Variants in IRS2 observed in about 807,000 individuals in gnomAD.
IRS2 encodes the protein insulin receptor substrate 2.
IRS2 carries 28 observed loss-of-function variants against 70.9 expected under a neutral mutation model. The ratio of observed to expected loss-of-function variants is 0.39; its 90% CI spans 0.29 to 0.54. The LOEUF (loss-of-function observed/expected upper bound fraction) is 0.54. Among genes scored for constraint, IRS2 ranks in the 20% least tolerant of loss-of-function variants. The pLI is 0.59. For missense variants in IRS2, 2,081 were observed against 2,024.1 expected (o/e 1.03, Z -0.54); for synonymous variants, 1,217 against 981.9 (o/e 1.24, Z -4.48).
chr13:109,785,585 C>A lies in IRS2; in HGVS notation c.469G>T (p.Ala157Ser). The change falls in exon 1 of 2, where the codon GCC becomes TCC. Residue 157 changes from alanine to serine, a missense_variant. Physicochemically the swap from Ala to Ser is moderately conservative, Grantham distance 99 (BLOSUM62 1). Transcript: ENST00000375856. This position sits in a 1 kb window ranked among gnomAD's most constrained non-coding sequence, Gnocchi z 9.3. Reference protein sequence around the residue: ...RAAAGDAPPAAAPAASCSASL... With the variant: ...RAAAGDAPPASAPAASCSASL... ...GCGCTGCAGGACGCGGCGGGCGCGGCGGCGGGGGGCGCGTCTCCGGCGGCC... is the reference window on the plus strand; with the variant it reads ...GCGCTGCAGGACGCGGCGGGCGCGGAGGCGGGGGGCGCGTCTCCGGCGGCC... The A allele has an allele frequency of 7.6e-7, 1 of 1,319,986 alleles. No individual in the cohort carries two copies. 81.8% of individuals were successfully genotyped at this position (1,319,986 alleles called of 1,614,324 possible).
At position 109,755,813 on chromosome 13, in the gene IRS2, C is replaced by G. The variant is rs761328034; in HGVS notation, c.*491G>C. 1 of 225,884 alleles carries G rather than the reference C, an allele frequency of 4.4e-6. No homozygotes were observed. The highest frequency in any genetic ancestry group is 9.0e-6 in the Non-Finnish European group (1 of 111,504). The allele number at this position is 225,884 out of a possible 1,614,324, so 14.0% of individuals were successfully genotyped here. ...CTACTACAGGAGGTCCTGTGGGACC[C>G]CCGCCACGGAAATCCGGCTTTACCT... On this transcript the variant is annotated 3_prime_UTR_variant, in exon 2 of 2. Coordinates refer to ENST00000375856, the MANE Select transcript of IRS2 (RefSeq NM_003749.3).
intron 1 of IRS2, 111 bp downstream of exon 1, chr13:109,781,931 G>T: frequency 8.2e-7 from 1 of 1,226,868 alleles, no homozygotes; most frequent in Non-Finnish European, 1.2e-6. Context: ...GTGCCAGGCT[G>T]TCGGCTTCTG....
At chr13:109,781,974 A>G in intron 1 of IRS2, 68 bp downstream of exon 1, 1 of 1,557,096 alleles carries the variant, frequency 6.4e-7, no homozygotes, top group Non-Finnish European at 8.7e-7. Context: ...GAGCAGTGAA[A>G]CCCAAGAGGC....
chr13:109,764,492 T>TATG (rs1227798527), intron 1 of IRS2, among the ~76,000 whole-genome samples: 1 of 152,248 alleles, frequency 6.6e-6, no homozygotes, highest in Non-Finnish European at 1.5e-5. Context: ...CAAAAATGCG[T>TATG]ATGTTCTTTC....
chr13:109,784,923 G>GGCCGCCGCTCCCGCC lies in IRS2; in HGVS notation c.1116_1130dup (p.Ala376_Ala380dup). The GGCCGCCGCTCCCGCC allele has an allele frequency of 2.8e-6, 3 of 1,052,798 alleles. No homozygotes were observed. The highest frequency in any genetic ancestry group is 3.4e-6 in the Non-Finnish European group (3 of 875,906). The allele number at this position is 1,052,798 out of a possible 1,614,324, so 65.2% of individuals were successfully genotyped here. A position where few individuals can be genotyped will look rare whatever the true frequency, so the allele number is the denominator to read the frequency against. On this transcript the variant is annotated inframe_insertion, in exon 1 of 2. Transcript: ENST00000375856. The surrounding 1 kb of genome is among the most constrained non-coding windows in gnomAD (Gnocchi z 5.2). Reference sequence around the variant, plus strand: ...CCACCGACACCGGCCTGGCGCCCGCGGCCGCCGCTCCCGCCGCCGCGCCGC... The same window carrying GGCCGCCGCTCCCGCC: ...CCACCGACACCGGCCTGGCGCCCGCGGCCGCCGCTCCCGCCGCCGCCGCTCCCGCCGCCGCGCCGC...
Position 109,783,220 on chromosome 13 carries a change from G to A in IRS2, c.2834C>T (p.Ser945Phe), listed in dbSNP as rs780304023. The A allele has an allele frequency of 1.4e-4, 205 of 1,439,136 alleles. 1 individual carries two copies. The South Asian group carries it at 2.0e-3, about 14-fold the overall frequency. 89.1% of individuals were successfully genotyped at this position (1,439,136 alleles called of 1,614,324 possible). ...APPLLASAASSSSLLSASSPA... is the reference protein window; with the variant it reads ...APPLLASAASFSSLLSASSPA... ...GCTGCTGGCGGACAAGAGCGAGGAG[G>A]ACGAGGCCGCCGACGCCAGCAGGGG... The change falls in exon 1 of 2, where the codon TCC becomes TTC. Residue 945 changes from serine (S) to phenylalanine (F), a missense_variant. Transcript: ENST00000375856.
rs78183937 is a variant in IRS2 at position 109,759,831 on chromosome 13, C to G, written c.4013-3523G>C. Among the ~76,000 whole-genome samples the G allele has an allele frequency of 2.0e-5, 3 of 152,040 alleles. No individual in the cohort carries two copies. The South Asian group carries it at 6.2e-4, about 31-fold the overall frequency. On this transcript the variant is annotated intron_variant, in intron 1 of 1. Transcript: ENST00000375856. ...CTGGTGCCCCTGGTTGAAACCACCA[C>G]GGCAACACGATACCTACCACCCACC...
rs1160311404 is a variant in IRS2, at chr13:109,754,684, C to T, written c.*1620G>A. The T allele has an allele frequency of 5.0e-6, 1 of 198,690 alleles. No individual in the cohort carries two copies. The highest frequency in any genetic ancestry group is 1.0e-5 in the Non-Finnish European group (1 of 95,972). The allele number at this position is 198,690 out of a possible 1,614,324, so 12.3% of individuals were successfully genotyped here. A position where few individuals can be genotyped will look rare whatever the true frequency, so the allele number is the denominator to read the frequency against. On this transcript the variant is annotated 3_prime_UTR_variant, in exon 2 of 2. Transcript: ENST00000375856. ...CAACTTTGTCTTGCAATACAATCCT[C>T]TGTTCTAAAGTTCAGCACGGAAGCA...
chr13:109,754,045 A>C lies in IRS2; in HGVS notation c.*2259T>G, dbSNP rs886703413. The C allele has an allele frequency of 4.3e-6, 1 of 231,160 alleles. No individual in the cohort carries two copies. Among genetic ancestry groups the C allele is most frequent in the Non-Finnish European group, 8.6e-6 (1 of 116,598 alleles). The allele number at this position is 231,160 out of a possible 1,614,324, so 14.3% of individuals were successfully genotyped here. ...TTGTCATATCACAATAGCAAGAAAT[A>C]TATTTAACATCTTGATATCCAGAAA... On this transcript the variant is annotated 3_prime_UTR_variant, in exon 2 of 2. Transcript: ENST00000375856.
intron 1 of IRS2, among the ~76,000 whole-genome samples, 160 bp downstream of exon 1, chr13:109,781,882 A>G (rs1027211595): frequency 1.7e-4 from 26 of 152,338 alleles, no homozygotes; most frequent in Admixed American, 4.6e-4. Flanking sequence ...CTGAAGGAAG[A>G]GAACAGGGCA....
Position 109,783,932 on chromosome 13 carries a change from C to A in IRS2, c.2122G>T (p.Ala708Ser). The part of the protein sequence containing the change: ...AAAAVPSAGP[A>S]GPAPTSAAGR... Reference sequence around the variant, plus strand: ...GCCGCAGAGGTGGGTGCTGGCCCCGCAGGCCCCGCAGAAGGCACGGCGGCG... The same window carrying A: ...GCCGCAGAGGTGGGTGCTGGCCCCGAAGGCCCCGCAGAAGGCACGGCGGCG... The change falls in exon 1 of 2, where the codon GCG (alanine) becomes TCG (serine). Residue 708 changes from alanine to serine, a missense_variant. Ala to Ser is a moderately conservative substitution (Grantham distance 99). Transcript: ENST00000375856. 1 of 1,539,484 alleles carries A rather than the reference C, an allele frequency of 6.5e-7. No individual in the cohort carries two copies.
intron 1 of IRS2, among the ~76,000 whole-genome samples, chr13:109,762,267 C>CT (rs1435348922): frequency 6.6e-6 from 1 of 152,192 alleles, no homozygotes; most frequent in Non-Finnish European, 1.5e-5. Flanking sequence ...GAAACAGTAT[C>CT]GATGATTCTT....
intron 1 of IRS2, among the ~76,000 whole-genome samples, chr13:109,768,440 C>T (rs986448348): frequency 6.6e-6 from 1 of 152,214 alleles, no homozygotes; most frequent in African/African-American, 2.4e-5. Context: ...AGCTCTTACG[C>T]CCTCAGCAAA....
chr13:109,782,026 C>T lies in IRS2; in HGVS notation c.4012+16G>A, dbSNP rs1191931713. On this transcript the variant is annotated intron_variant, in intron 1 of 1. Transcript: ENST00000375856. ...CCCTCCTTCCCGCCAGACGCCAAGG[C>T]AAAGGGCCTCCTCACCTTTCACGAT... is the stretch of plus-strand genomic sequence containing the variant. The T allele has an allele frequency of 1.2e-6, 2 of 1,611,676 alleles. No individual in the cohort carries two copies. The highest frequency in any genetic ancestry group is 1.6e-4 in the Middle Eastern group (1 of 6,062).
Position 109,784,404 on chromosome 13 carries a change from G to T in IRS2, c.1650C>A (p.Ser550Arg). The change falls in exon 1 of 2, where the codon AGC (serine) becomes AGA (arginine). Residue 550 changes from serine (S) to arginine (R), a missense_variant. Ser to Arg is a moderately radical substitution (Grantham distance 110). Transcript: ENST00000375856. This position sits in a 1 kb window ranked among gnomAD's most constrained non-coding sequence, Gnocchi z 5.2. ...CCCGGCGGTAGGAGCGGCCACAGTG[G>T]CTCAGGGGCCTGTCCATGGTCATGT... Reference protein sequence around the residue: ...YGYMTMDRPLSHCGRSYRRVS... With the variant: ...YGYMTMDRPLRHCGRSYRRVS... The T allele has an allele frequency of 6.2e-7, 1 of 1,610,510 alleles. No homozygotes were observed. Among genetic ancestry groups the T allele is most frequent in the South Asian group, 1.1e-5 (1 of 91,028 alleles).
In IRS2 at chr13:109,783,355, C is replaced by G. The variant is rs771594921; in HGVS notation, c.2699G>C (p.Ser900Thr). 2 of 1,549,120 alleles carry G rather than the reference C, an allele frequency of 1.3e-6. No individual in the cohort carries two copies. The highest frequency in any genetic ancestry group is 2.5e-5 in the East Asian group (1 of 39,964). Residue 900 changes from serine (S) to threonine (T), a missense_variant, in exon 1 of 2, where the codon AGC becomes ACC. Transcript: ENST00000375856. ...TGGGTACTCGTGCATGCTGGGCAGGCTGGGCAGCCCCTCCAGGGACAGGCG... is the reference window on the plus strand; with the variant it reads ...TGGGTACTCGTGCATGCTGGGCAGGGTGGGCAGCCCCTCCAGGGACAGGCG... Reference protein sequence around the residue: ...PTRLSLEGLPSLPSMHEYPLP... With the variant: ...PTRLSLEGLPTLPSMHEYPLP...
At position 109,784,591 on chromosome 13, in the gene IRS2, G is replaced by T; in HGVS notation, c.1463C>A (p.Ala488Asp). Residue 488 changes from alanine to aspartate, a missense_variant, in exon 1 of 2, where the codon GCC becomes GAC. Physicochemically the swap from Ala to Asp is moderately radical, Grantham distance 126. This residue lies in a region of IRS2 where 1,615 missense variants were observed against 1,459.5 expected (regional missense o/e 1.11). Coordinates refer to ENST00000375856, the MANE Select transcript of IRS2 (RefSeq NM_003749.3). The surrounding 1 kb of genome is among the most constrained non-coding windows in gnomAD (Gnocchi z 5.2). ...GCCGGGGTCGCTGGGGGAGCCCGAG[G>T]CGGAGGCGCTGCCGCTGGAGGGCCG... ...GQRPSSGSAS[A>D]SGSPSDPGFM... 7.3e-7 allele frequency: 1 copy of T among 1,361,968 alleles called. No individual in the cohort carries two copies. Among genetic ancestry groups the T allele is most frequent in the Non-Finnish European group, 9.4e-7 (1 of 1,063,044 alleles). The allele number at this position is 1,361,968 out of a possible 1,614,324, so 84.4% of individuals were successfully genotyped here. A position where few individuals can be genotyped will look rare whatever the true frequency, so the allele number is the denominator to read the frequency against.
At position 109,758,616 on chromosome 13, in the gene IRS2, T is replaced by C. The variant is rs541579242; in HGVS notation, c.4013-2308A>G. ...TCATTACATCTTTGCGAGCTCCAAT[T>C]AAGTTGAACATGTAATTTTATTTTT... On this transcript the variant is annotated intron_variant, in intron 1 of 1. Coordinates refer to ENST00000375856, the MANE Select transcript of IRS2 (RefSeq NM_003749.3). Among the ~76,000 whole-genome samples the C allele has an allele frequency of 3.3e-5, 5 of 152,276 alleles. No individual in the cohort carries two copies. The South Asian group carries it at 1.0e-3, about 32-fold the overall frequency.
chr13:109,778,288 G>A (rs1877622475), intron 1 of IRS2, among the ~76,000 whole-genome samples: 1 of 152,190 alleles, frequency 6.6e-6, no homozygotes, highest in Non-Finnish European at 1.5e-5. Context: ...TCAGCAACTA[G>A]AAACCTGGTT....
Sources: gnomAD v4.1 joint callset for allele counts (sites outside exome capture counted in the v4.1 genomes callset) on GRCh38, gnomAD v4.1.1 for gene constraint, gnomAD v4.1.1 regional missense constraint, Gnocchi (gnomAD v3.1) non-coding constraint, MANE v1.5 for transcripts, NCBI Gene and HGNC (gene_info 2026-07-23, HGNC 2026-07-21) for gene names.